The following PTBP2 variants were observed in gnomAD, a reference collection of about 807,000 sequenced individuals.
PTBP2 encodes the protein polypyrimidine tract binding protein 2, also known as polypyrimidine tract-binding protein 2.
Under a neutral mutation model 61.4 loss-of-function variants are expected in PTBP2, and 13 were observed. That is an observed-to-expected ratio of 0.21 (90% CI 0.14 to 0.34). The LOEUF (loss-of-function observed/expected upper bound fraction) is 0.34. Ranked by LOEUF, PTBP2 falls within the 10% of genes least tolerant of loss-of-function variation. The pLI is 1.00. For synonymous variants in PTBP2, 215 were observed against 218.5 expected (o/e 0.98, Z 0.14); for missense variants, 405 against 642.6 (o/e 0.63, Z 4.00).
rs769600627 is a variant in PTBP2 at position 96,769,755 on chromosome 1, T to C, written c.168T>C (p.Ala56=). 9.3e-6 allele frequency: 15 copies of C among 1,609,510 alleles called. No individual in the cohort carries two copies. In the South Asian group the frequency reaches 1.3e-4, roughly 14 times the overall value. ...AAGGAGAAGATAAAATGGATGGTGC[T>C]CCTTCTCGTGTACTTCATATTCGAA... is the stretch of plus-strand genomic sequence containing the variant. ...KFKGEDKMDG[A]PSRVLHIRKL... Residue 56 remains alanine, a synonymous_variant, in exon 4 of 14, where the codon GCT becomes GCC. Coordinates refer to ENST00000674951, the MANE Select transcript of PTBP2 (RefSeq NM_021190.4).
At position 96,813,266 on chromosome 1, in the gene PTBP2, G is replaced by A; in HGVS notation, c.1467-10G>A. On this transcript the variant is annotated splice_polypyrimidine_tract_variant and intron_variant, in intron 13 of 13. Transcript: ENST00000674951. ...ATGAAGTGTCTAATTTTATAATTTT[G>A]TTTCAGAAGAGATCACAAAATGGCT... 2.5e-6 allele frequency: 4 copies of A among 1,588,600 alleles called. No individual in the cohort carries two copies. The highest frequency in any genetic ancestry group is 3.4e-6 in the Non-Finnish European group (4 of 1,172,916).
intron 3 of PTBP2, among the ~76,000 whole-genome samples, chr1:96,761,284 G>A (rs148916947): frequency 5.9e-5 from 9 of 151,752 alleles, no homozygotes; most frequent in Non-Finnish European, 1.3e-4. Context: ...GCTGTAATGA[G>A]AAATATGAGA....
intron 3 of PTBP2, among the ~76,000 whole-genome samples, chr1:96,768,581 G>GAT (rs1240318360): frequency 6.6e-6 from 1 of 151,946 alleles, no homozygotes; most frequent in African/African-American, 2.4e-5. Context: ...TGGCATAGTA[G>GAT]ATATACTGCA....
rs1203337817 is a variant in PTBP2 at position 96,721,870 on chromosome 1, C to T, written c.6C>T (p.Asp2=). M[D]GIVTEVAVGV... ...AAGCTTTGTCCGGTTCGGCAATGGA[C>T]GGGTATGTAATCGGGCCGGCGAGAA... The change falls in exon 1 of 14, where the codon GAC becomes GAT. Residue 2 remains aspartate (D), a splice_region_variant and synonymous_variant. Transcript: ENST00000674951. The T allele has an allele frequency of 4.4e-6, 7 of 1,575,124 alleles. No individual in the cohort carries two copies. The highest frequency in any genetic ancestry group is 6.0e-6 in the Non-Finnish European group (7 of 1,160,410).
At chr1:96,784,290 C>T (rs941330047) in intron 7 of PTBP2, among the ~76,000 whole-genome samples, 2 of 150,834 alleles carry the variant, frequency 1.3e-5, no homozygotes, top group African/African-American at 5.0e-5. Flanking sequence ...TTAATTTACT[C>T]CTCTTAATAA....
chr1:96,785,368 G>A (rs925605946), intron 8 of PTBP2, 114 bp downstream of exon 8: 34 of 804,252 alleles, frequency 4.2e-5, no homozygotes, highest in Non-Finnish European at 6.2e-5. Context: ...TAGGTTTCGT[G>A]AGTTTTCTTT....
At chr1:96,748,597 G>T (rs1210464272) in intron 2 of PTBP2, among the ~76,000 whole-genome samples, 2 of 152,102 alleles carry the variant, frequency 1.3e-5, no homozygotes, top group Non-Finnish European at 2.9e-5. Flanking sequence ...ATCTATGCTA[G>T]TCTTAACATT....
chr1:96,784,571 A>G (rs974512055), intron 7 of PTBP2, among the ~76,000 whole-genome samples: 3 of 152,050 alleles, frequency 2.0e-5, no homozygotes, highest in Middle Eastern at 3.2e-3. Flanking sequence ...GGGAATTGCT[A>G]TTATGTGTTA....
At chr1:96,817,865 TTAAA>T (rs1260142070), downstream of PTBP2, 22 of 152,144 alleles carry the variant, frequency 1.4e-4, no homozygotes, top group South Asian at 4.1e-4. Flanking sequence ...TATTGGGTGT[TTAAA>T]TAGTACAATA....
chr1:96,821,503 T>G (rs1001084578), exon 14 of PTBP2: 2 of 152,070 alleles, frequency 1.3e-5, no homozygotes, highest in Admixed American at 6.5e-5. Flanking sequence ...CCTAAAAATA[T>G]GGATTACTAT....
chr1:96,762,421 T>A (rs867212638), intron 3 of PTBP2, among the ~76,000 whole-genome samples: 1 of 130,676 alleles, frequency 7.7e-6, no homozygotes, highest in Non-Finnish European at 1.6e-5. Flanking sequence ...CCCTCCCGGA[T>A]GGGGCAGCTG....
chr1:96,786,273 G>A (rs573888495), intron 8 of PTBP2, among the ~76,000 whole-genome samples: 10 of 152,256 alleles, frequency 6.6e-5, no homozygotes, highest in African/African-American at 2.4e-4. Flanking sequence ...GTTGGTATTT[G>A]ATTCTGGTAA....
At chr1:96,724,502 T>C (rs1167939801) in intron 2 of PTBP2, among the ~76,000 whole-genome samples, 5 of 152,034 alleles carry the variant, frequency 3.3e-5, no homozygotes, top group African/African-American at 7.2e-5. Flanking sequence ...CTGCCTCTTA[T>C]GATCTGCCTG....
chr1:96,788,186 T>G (rs1409943565), intron 8 of PTBP2, among the ~76,000 whole-genome samples: 4 of 152,142 alleles, frequency 2.6e-5, no homozygotes, highest in Non-Finnish European at 5.9e-5. Flanking sequence ...TTGCCTGCAT[T>G]CTTTCTGTTA....
At position 96,748,544 on chromosome 1, in the gene PTBP2, TACTC is replaced by T. The variant is rs1463594474; in HGVS notation, c.40-2879_40-2876del. 5.9e-5 allele frequency among the ~76,000 whole-genome samples: 9 copies of T among 152,316 alleles called. No homozygotes were observed. In the East Asian group the frequency reaches 1.7e-3, roughly 29 times the overall value. ...TTTCTCTTGAAATGGTCATTGATAT[TACTC>T]AGGAAGAAAAGTTTCTGTGGTCAGA... On this transcript the variant is annotated intron_variant, in intron 2 of 13. Transcript: ENST00000674951.
intron 3 of PTBP2, among the ~76,000 whole-genome samples, chr1:96,759,063 T>G (rs1045155037): frequency 1.3e-5 from 2 of 151,980 alleles, no homozygotes; most frequent in Non-Finnish European, 2.9e-5. Flanking sequence ...AGACAAAATA[T>G]CAGGAAAAAA....
chr1:96,797,881 C>A (rs747678545), intron 8 of PTBP2, among the ~76,000 whole-genome samples: 1 of 152,088 alleles, frequency 6.6e-6, no homozygotes, highest in Non-Finnish European at 1.5e-5. Context: ...TTGGTTGAAT[C>A]GGAACCCAGA....
chr1:96,725,805 C>T (rs991612885), intron 2 of PTBP2, among the ~76,000 whole-genome samples: 16 of 151,806 alleles, frequency 1.1e-4, no homozygotes, highest in East Asian at 5.8e-4. Flanking sequence ...TCAGGCCGGG[C>T]GCGGTGGGTC....
In PTBP2 at chr1:96,813,923, T is replaced by A. The variant is rs954505426; in HGVS notation, c.*518T>A. On this transcript the variant is annotated 3_prime_UTR_variant, in exon 14 of 14. Transcript: ENST00000674951. Reference sequence around the variant, plus strand: ...AATAAGATACATGATATTGAAAGAATAAAGCAGCATTTTTAGTTTTTACTA... The same window carrying A: ...AATAAGATACATGATATTGAAAGAAAAAAGCAGCATTTTTAGTTTTTACTA... The A allele has an allele frequency of 3.3e-5, 5 of 152,492 alleles. No individual in the cohort carries two copies. The highest frequency in any genetic ancestry group is 1.2e-4 in the African/African-American group (5 of 41,448). The allele number at this position is 152,492 out of a possible 1,614,324, so 9.4% of individuals were successfully genotyped here.
Sources: gnomAD v4.1 joint callset for allele counts (sites outside exome capture counted in the v4.1 genomes callset) on GRCh38, gnomAD v4.1.1 for gene constraint, MANE v1.5 for transcripts, NCBI Gene and HGNC (gene_info 2026-07-23, HGNC 2026-07-21) for gene names.